The following ACOXL variants were observed in gnomAD, a reference collection of about 807,000 sequenced individuals.
ACOXL encodes the protein acyl-coenzyme A oxidase-like protein.
In ACOXL, 70 loss-of-function variants were observed where a neutral mutation model predicts 71.9. The ratio of observed to expected loss-of-function variants is 0.97; its 90% CI spans 0.80 to 1.19. The LOEUF (loss-of-function observed/expected upper bound fraction) is 1.19, where lower values mean the gene tolerates loss of function less well. ACOXL is among the 50% of genes most tolerant of loss of function. ACOXL has a pLI of 0.00. For synonymous variants in ACOXL, 253 were observed against 281.6 expected (o/e 0.90, Z 1.02); for missense variants, 703 against 736.3 (o/e 0.95, Z 0.52).
chr2:110,968,424 G>A (rs1021120983), intron 12 of ACOXL: 5 of 1,156,042 alleles, frequency 4.3e-6, no homozygotes, highest in Non-Finnish European at 6.4e-6. Flanking sequence ...TACACCAGAA[G>A]CACATCACGG....
chr2:110,787,533 C>CAAAAAA (rs1175271772), intron 3 of ACOXL, among the ~76,000 whole-genome samples: 44 of 52,446 alleles, frequency 8.4e-4, no homozygotes, highest in Middle Eastern at 8.6e-3. Flanking sequence ...GACTCCGTCT[C>CAAAAAA]AAAAAAAAAA....
At chr2:110,769,136 T>A (rs111280195) in intron 2 of ACOXL, among the ~76,000 whole-genome samples, 1 of 152,122 alleles carries the variant, frequency 6.6e-6, no homozygotes, top group African/African-American at 2.4e-5. Context: ...TTTAAAGTAC[T>A]TTAGACTTAT....
intron 15 of ACOXL, among the ~76,000 whole-genome samples, chr2:111,034,557 T>C (rs1183451001): frequency 6.6e-6 from 1 of 152,170 alleles, no homozygotes; most frequent in African/African-American, 2.4e-5. Flanking sequence ...CAATGTCAGA[T>C]AAAGAGGACT....
At chr2:111,105,212 A>G (rs765015334) in intron 17 of ACOXL, among the ~76,000 whole-genome samples, 1 of 152,140 alleles carries the variant, frequency 6.6e-6, no homozygotes, top group Non-Finnish European at 1.5e-5. Context: ...TCCCTTCACC[A>G]ATACCACATG....
At chr2:110,865,229 G>A (rs1694419134) in intron 10 of ACOXL, among the ~76,000 whole-genome samples, 1 of 152,226 alleles carries the variant, frequency 6.6e-6, no homozygotes, top group Admixed American at 6.5e-5. Flanking sequence ...AAATGTTGAA[G>A]GAAGAGATGG....
chr2:110,776,338 GA>G lies in ACOXL; in HGVS notation c.75+7875del, dbSNP rs1682645701. ...GGAAGATTAAGAAGTTCTGGAGATG[GA>G]TGGTGATGATGGTTGCCAAACACTG... On this transcript the variant is annotated intron_variant, in intron 2 of 17. Coordinates refer to ENST00000439055, the MANE Select transcript of ACOXL (RefSeq NM_001142807.4). Among the ~76,000 whole-genome samples the G allele has an allele frequency of 5.3e-5, 8 of 151,426 alleles. No homozygotes were observed. In the South Asian group the frequency reaches 1.7e-3, roughly 31 times the overall value.
chr2:111,056,524 C>G (rs2066547663), intron 16 of ACOXL, among the ~76,000 whole-genome samples: 1 of 151,960 alleles, frequency 6.6e-6, no homozygotes, highest in Admixed American at 6.6e-5. Flanking sequence ...CATGGTGGCT[C>G]ACGCCTGTAA....
chr2:110,963,557 A>C, intron 12 of ACOXL: 1 of 1,538,520 alleles, frequency 6.5e-7, no homozygotes, highest in Non-Finnish European at 8.8e-7. Flanking sequence ...TGGGATCGCA[A>C]ATTTGAAATG....
chr2:110,987,700 A>G (rs1469752580), intron 13 of ACOXL, among the ~76,000 whole-genome samples: 2 of 152,180 alleles, frequency 1.3e-5, no homozygotes, highest in Non-Finnish European at 2.9e-5. Context: ...ACATTTTGTA[A>G]CTTTGTTTTC....
intron 9 of ACOXL, among the ~76,000 whole-genome samples, chr2:110,839,706 C>T (rs1328899733): frequency 6.6e-6 from 1 of 152,152 alleles, no homozygotes; most frequent in Non-Finnish European, 1.5e-5. Flanking sequence ...CTGGGGGATT[C>T]TGCAGGACGT....
chr2:110,983,276 G>A (rs190676716), intron 12 of ACOXL, among the ~76,000 whole-genome samples: 1 of 152,316 alleles, frequency 6.6e-6, no homozygotes, highest in East Asian at 1.9e-4. Context: ...TTGCTTCATA[G>A]ATGCCTTGAA....
chr2:111,055,040 T>C (rs10187034), intron 16 of ACOXL, among the ~76,000 whole-genome samples: 135,085 of 152,240 alleles, frequency 0.89, 60,185 homozygotes, highest in African/African-American at 0.97. Flanking sequence ...GTCATTGTCA[T>C]AAAGATTCTT....
At chr2:110,818,477 ATG>A (rs1167887854) in intron 9 of ACOXL, among the ~76,000 whole-genome samples, 8 of 127,030 alleles carry the variant, frequency 6.3e-5, no homozygotes, top group African/African-American at 2.4e-4. Context: ...GTATATGTGT[ATG>A]TGTGTATATA....
chr2:110,884,732 A>G (rs558036129), intron 10 of ACOXL, among the ~76,000 whole-genome samples: 1 of 152,310 alleles, frequency 6.6e-6, no homozygotes, highest in East Asian at 1.9e-4. Context: ...TAAAATGCCC[A>G]ATATCTAATT....
intron 10 of ACOXL, among the ~76,000 whole-genome samples, chr2:110,898,444 A>G (rs1419380691): frequency 1.3e-5 from 2 of 152,200 alleles, no homozygotes; most frequent in African/African-American, 4.8e-5. Context: ...ATATTTAAAA[A>G]CCAGTCAATT....
intron 16 of ACOXL, among the ~76,000 whole-genome samples, chr2:111,052,318 C>T (rs2066329938): frequency 1.3e-5 from 2 of 152,136 alleles, no homozygotes; most frequent in Non-Finnish European, 2.9e-5. Context: ...AGAGCACACA[C>T]GGGAGGTGTG....
intron 1 of ACOXL, among the ~76,000 whole-genome samples, chr2:110,752,652 C>T (rs1414889058): frequency 2.0e-5 from 3 of 151,630 alleles, no homozygotes; most frequent in East Asian, 1.9e-4. Flanking sequence ...ATTTACGACT[C>T]ATGCCTCTGT....
intron 10 of ACOXL, among the ~76,000 whole-genome samples, chr2:110,888,360 A>G (rs1697562870): frequency 6.6e-6 from 1 of 152,030 alleles, no homozygotes. Context: ...GTTTACTAAT[A>G]CCTCCCTCAA....
At chr2:110,871,323 A>C (rs570811850) in intron 10 of ACOXL, among the ~76,000 whole-genome samples, 200 of 152,160 alleles carry the variant, frequency 1.3e-3, no homozygotes, top group Admixed American at 3.5e-3. Context: ...AAATATTTGG[A>C]AATAGGACCA....
Sources: allele counts gnomAD v4.1 joint callset (sites outside exome capture counted in the v4.1 genomes callset), GRCh38; gene constraint gnomAD v4.1.1; transcripts MANE v1.5; gene names NCBI Gene and HGNC (gene_info 2026-07-23, HGNC 2026-07-21).